The following IL23R variants were observed in gnomAD, a reference collection of about 807,000 sequenced individuals.
IL23R encodes the protein interleukin 23 receptor.
Under a neutral mutation model 56.9 loss-of-function variants are expected in IL23R, and 34 were observed. The ratio of observed to expected loss-of-function variants is 0.60; its 90% confidence interval spans 0.45 to 0.80. The LOEUF (loss-of-function observed/expected upper bound fraction) is 0.80, where lower values mean the gene tolerates loss of function less well. Ranked by LOEUF, IL23R falls within the 30% of genes least tolerant of loss-of-function variation. The pLI is 0.00. For missense variants in IL23R, 635 were observed against 730.0 expected (o/e 0.87, Z 1.50); for synonymous variants, 230 against 249.2 (o/e 0.92, Z 0.73).
chr1:67,150,514 A>T (rs1553280219), intron 1 of IL23R, among the ~76,000 whole-genome samples: 1 of 152,062 alleles, frequency 6.6e-6, no homozygotes, highest in Non-Finnish European at 1.5e-5. Context: ...GAGTGAGAAC[A>T]TGTGATGTTT....
At chr1:67,183,037 A>G in intron 4 of IL23R, 78 bp downstream of exon 4, 1 of 1,524,782 alleles carries the variant, frequency 6.6e-7, no homozygotes, top group Non-Finnish European at 9.1e-7. Context: ...CAGAGATCCA[A>G]GAAATCAGCC....
At chr1:67,183,368 CT>C (rs763037087) in intron 4 of IL23R, among the ~76,000 whole-genome samples, 50 of 152,108 alleles carry the variant, frequency 3.3e-4, no homozygotes, top group Non-Finnish European at 6.5e-4. Context: ...AACCTGGTTT[CT>C]ACTGAAAATA....
intron 9 of IL23R, among the ~76,000 whole-genome samples, chr1:67,246,949 G>A (rs1652265473): frequency 6.6e-6 from 1 of 152,142 alleles, no homozygotes; most frequent in South Asian, 2.1e-4. Context: ...GGGAGTCTAA[G>A]TCTCTTTGTA....
At chr1:67,243,280 TTTAGTA>T (rs1405647268) in intron 9 of IL23R, among the ~76,000 whole-genome samples, 1 of 151,472 alleles carries the variant, frequency 6.6e-6, no homozygotes, top group Non-Finnish European at 1.5e-5. Context: ...TCTAAACAAT[TTTAGTA>T]TTGGCTGATT....
chr1:67,196,938 C>T (rs1345646100), intron 4 of IL23R, among the ~76,000 whole-genome samples: 1 of 152,194 alleles, frequency 6.6e-6, no homozygotes, highest in Non-Finnish European at 1.5e-5. Context: ...ATTTAGTTGT[C>T]AGTTTTCTAT....
intron 7 of IL23R, among the ~76,000 whole-genome samples, chr1:67,226,245 A>G (rs1016908250): frequency 2.0e-5 from 3 of 152,228 alleles, no homozygotes; most frequent in African/African-American, 7.2e-5. Context: ...CTGTCTGCAG[A>G]CAGCTTAACT....
chr1:67,217,413 GTTC>G (rs1649918932), intron 6 of IL23R, among the ~76,000 whole-genome samples: 1 of 152,062 alleles, frequency 6.6e-6, no homozygotes, highest in South Asian at 2.1e-4. Flanking sequence ...GTTCCATAAC[GTTC>G]TTCTTACTAT....
chr1:67,226,165 T>C (rs2100260745), intron 7 of IL23R, among the ~76,000 whole-genome samples: 1 of 152,268 alleles, frequency 6.6e-6, no homozygotes. Context: ...CACAGTAGCA[T>C]CTAGGGGTGG....
chr1:67,186,560 G>C (rs1647350302), intron 4 of IL23R, among the ~76,000 whole-genome samples: 1 of 152,082 alleles, frequency 6.6e-6, no homozygotes, highest in Non-Finnish European at 1.5e-5. Flanking sequence ...GCCTACACTG[G>C]ACACTTCATG....
chr1:67,229,135 C>G (rs999438202), intron 7 of IL23R, among the ~76,000 whole-genome samples: 1 of 152,192 alleles, frequency 6.6e-6, no homozygotes, highest in East Asian at 1.9e-4. Context: ...TCAGATCCTA[C>G]AACTCCCACC....
chr1:67,200,978 A>C, intron 5 of IL23R, 81 bp downstream of exon 5: 1 of 1,418,190 alleles, frequency 7.1e-7, no homozygotes, highest in Non-Finnish European at 9.9e-7. Context: ...GATCTGAAAG[A>C]AGTTCCCCTA....
At chr1:67,156,599 C>T (rs184019642) in intron 1 of IL23R, among the ~76,000 whole-genome samples, 1 of 152,324 alleles carries the variant, frequency 6.6e-6, no homozygotes, top group East Asian at 1.9e-4. Flanking sequence ...CTCCCAGTCT[C>T]CTTAGGGCTG....
chr1:67,151,706 G>A (rs1646729830), intron 1 of IL23R, among the ~76,000 whole-genome samples: 1 of 152,116 alleles, frequency 6.6e-6, no homozygotes, highest in African/African-American at 2.4e-5. Flanking sequence ...ATTAAATAGG[G>A]AATCCTTTCC....
chr1:67,153,302 A>G (rs1646744274), intron 1 of IL23R, among the ~76,000 whole-genome samples: 1 of 151,960 alleles, frequency 6.6e-6, no homozygotes, highest in South Asian at 2.1e-4. Flanking sequence ...TATCCCCTTT[A>G]TCATTTTTTA....
downstream of IL23R, among the ~76,000 whole-genome samples, chr1:67,261,723 C>T (rs1019772194): frequency 3.3e-5 from 5 of 152,156 alleles, no homozygotes; most frequent in African/African-American, 4.8e-5. Context: ...CTGATGAAGA[C>T]GTCTGGTAAC....
intron 9 of IL23R, among the ~76,000 whole-genome samples, chr1:67,249,577 A>C (rs1320340247): frequency 6.6e-6 from 1 of 152,184 alleles, no homozygotes; most frequent in Non-Finnish European, 1.5e-5. Context: ...AATCCTATAC[A>C]ATTTTGGAAC....
intron 4 of IL23R, among the ~76,000 whole-genome samples, chr1:67,190,934 G>A (rs1410117184): frequency 6.6e-6 from 1 of 152,202 alleles, no homozygotes; most frequent in African/African-American, 2.4e-5. Context: ...GTTCTTAGGT[G>A]TGATTCCAAA....
intron 7 of IL23R, among the ~76,000 whole-genome samples, chr1:67,230,296 A>C (rs1252679616): frequency 2.6e-5 from 4 of 152,216 alleles, no homozygotes; most frequent in Admixed American, 2.6e-4. Context: ...GGATGCCCAC[A>C]AAGAAGTATA....
At chr1:67,198,438 C>T (rs1033316002) in intron 4 of IL23R, among the ~76,000 whole-genome samples, 7 of 152,324 alleles carry the variant, frequency 4.6e-5, no homozygotes, top group African/African-American at 9.6e-5. Flanking sequence ...AGATATCATT[C>T]GGAATTCTAC....
Sources: allele counts gnomAD v4.1 joint callset (sites outside exome capture counted in the v4.1 genomes callset), GRCh38; gene constraint gnomAD v4.1.1; transcripts MANE v1.5; gene names NCBI Gene and HGNC (gene_info 2026-07-23, HGNC 2026-07-21).